The following TWSG1 variants were observed in gnomAD, a reference collection of about 807,000 sequenced individuals.
TWSG1 encodes the protein twisted gastrulation protein homolog 1.
TWSG1 carries 15 observed loss-of-function variants against 23.0 expected under a neutral mutation model. The observed-to-expected ratio is 0.65, with a 90% CI of 0.44 to 1.00. The LOEUF is 1.00. TWSG1 is among the 50% of genes least tolerant of loss of function. TWSG1 has a pLI of 0.00. For synonymous variants in TWSG1, 86 were observed against 92.8 expected (o/e 0.93, Z 0.42); for missense variants, 242 against 278.7 (o/e 0.87, Z 0.94).
chr18:9,396,911 T>G, intron 4 of TWSG1: 1 of 235,274 alleles, frequency 4.3e-6, no homozygotes, highest in East Asian at 8.7e-5. Context: ...ATACAAAAAT[T>G]AGCCGGGTGT....
intron 2 of TWSG1, among the ~76,000 whole-genome samples, chr18:9,345,444 A>G (rs1362893818): frequency 6.6e-6 from 1 of 152,152 alleles, no homozygotes; most frequent in Non-Finnish European, 1.5e-5. Context: ...TTAGCCCAGG[A>G]GTTCAAGCCT....
chr18:9,354,571 T>A (rs2040516288), intron 2 of TWSG1, among the ~76,000 whole-genome samples: 1 of 152,154 alleles, frequency 6.6e-6, no homozygotes, highest in South Asian at 2.1e-4. Flanking sequence ...TAGAAACTGA[T>A]GAAGTTTATG....
intron 2 of TWSG1, among the ~76,000 whole-genome samples, chr18:9,358,243 G>A (rs1318949487): frequency 1.3e-5 from 2 of 152,004 alleles, no homozygotes; most frequent in African/African-American, 4.8e-5. Flanking sequence ...GTAGGAATGG[G>A]GGGGCCACAG....
intron 2 of TWSG1, among the ~76,000 whole-genome samples, chr18:9,343,505 A>G (rs977601703): frequency 5.3e-5 from 8 of 152,074 alleles, no homozygotes; most frequent in Non-Finnish European, 1.2e-4. Flanking sequence ...AGACTTGTGC[A>G]ACCATCACCA....
intron 2 of TWSG1, among the ~76,000 whole-genome samples, chr18:9,351,019 T>C (rs899375445): frequency 1.3e-5 from 2 of 152,156 alleles, no homozygotes; most frequent in African/African-American, 4.8e-5. Flanking sequence ...TGATTACTTA[T>C]GCTTACACAA....
chr18:9,396,217 G>T (rs2040734830), intron 3 of TWSG1, 63 bp from the exon 4 acceptor site: 93 of 965,696 alleles, frequency 9.6e-5, no homozygotes, highest in Non-Finnish European at 1.2e-4. Flanking sequence ...TAATTTTAAT[G>T]TGTTATAGCT....
In TWSG1 at chr18:9,399,594, G is replaced by A. The variant is rs1231916790; in HGVS notation, c.*67G>A. On this transcript the variant is annotated 3_prime_UTR_variant, in exon 5 of 5. Transcript: ENST00000262120. The stretch of plus-strand genomic sequence containing the variant: ...GTATAAAAAGTTATTCTGTAAGTCT[G>A]TTGGTTGTATCTTGTATCAGAATCC... 4 of 1,380,612 alleles carry A rather than the reference G, an allele frequency of 2.9e-6. No homozygotes were observed. Among genetic ancestry groups the A allele is most frequent in the South Asian group, 1.5e-5 (1 of 67,504 alleles). The allele number at this position is 1,380,612 out of a possible 1,614,324, so 85.5% of individuals were successfully genotyped here.
chr18:9,396,550 A>C lies in TWSG1; in HGVS notation c.490+4A>C, dbSNP rs1397980144. On this transcript the variant is annotated splice_donor_region_variant and intron_variant, in intron 4 of 4. Coordinates refer to ENST00000262120, the MANE Select transcript of TWSG1 (RefSeq NM_020648.6). ...GCGCCTTATTCCAGTGACAAAGGTA[A>C]CTGCCAACAGTTGACTTTTTCCATT... The C allele has an allele frequency of 6.2e-7, 1 of 1,609,010 alleles. No individual in the cohort carries two copies. Among genetic ancestry groups the C allele is most frequent in the East Asian group, 2.2e-5 (1 of 44,868 alleles).
intron 3 of TWSG1, among the ~76,000 whole-genome samples, chr18:9,391,405 A>T (rs1001614051): frequency 2.6e-5 from 4 of 152,220 alleles, no homozygotes; most frequent in African/African-American, 9.6e-5. Context: ...ATGAATCATG[A>T]ATGCTCCTAA....
intron 3 of TWSG1, among the ~76,000 whole-genome samples, chr18:9,371,372 C>T (rs1384880667): frequency 2.0e-5 from 3 of 151,104 alleles, no homozygotes; most frequent in Non-Finnish European, 4.4e-5. Context: ...TCTTGGCTCA[C>T]TGCAACCTCT....
At chr18:9,340,240 C>T (rs183428520) in intron 2 of TWSG1, among the ~76,000 whole-genome samples, 20 of 151,098 alleles carry the variant, frequency 1.3e-4, no homozygotes, top group African/African-American at 3.4e-4. Context: ...TGGTGATGGG[C>T]GCCTGTAGTC....
At chr18:9,336,542 T>A (rs1288460681) in intron 1 of TWSG1, among the ~76,000 whole-genome samples, 1 of 152,240 alleles carries the variant, frequency 6.6e-6, no homozygotes, top group Non-Finnish European at 1.5e-5. Flanking sequence ...TGCTTTATTC[T>A]GTCTAAATAA....
intron 2 of TWSG1, among the ~76,000 whole-genome samples, chr18:9,358,168 A>G (rs2040535674): frequency 6.6e-6 from 1 of 152,118 alleles, no homozygotes; most frequent in African/African-American, 2.4e-5. Context: ...AGGAATCAGA[A>G]TGGCGTCTTC....
chr18:9,388,842 A>T (rs1176583099), intron 3 of TWSG1, among the ~76,000 whole-genome samples: 2 of 152,176 alleles, frequency 1.3e-5, no homozygotes, highest in Non-Finnish European at 2.9e-5. Flanking sequence ...GATGTGTGTC[A>T]CCATGCCTGG....
intron 2 of TWSG1, among the ~76,000 whole-genome samples, chr18:9,353,126 C>T (rs925157507): frequency 3.9e-5 from 6 of 152,076 alleles, no homozygotes; most frequent in Non-Finnish European, 8.8e-5. Flanking sequence ...GAACAATAGG[C>T]CATACCATAT....
At chr18:9,354,769 C>A (rs2040517187) in intron 2 of TWSG1, among the ~76,000 whole-genome samples, 1 of 152,096 alleles carries the variant, frequency 6.6e-6, no homozygotes, top group Non-Finnish European at 1.5e-5. Context: ...GTTAGACATG[C>A]ATAGGAATTT....
chr18:9,365,583 A>G (rs917437753), intron 3 of TWSG1, among the ~76,000 whole-genome samples: 7 of 152,278 alleles, frequency 4.6e-5, no homozygotes, highest in Admixed American at 4.6e-4. Flanking sequence ...GGGCTGTGGC[A>G]GGAGAATCGC....
chr18:9,342,128 G>A (rs1407920145), intron 2 of TWSG1, among the ~76,000 whole-genome samples: 2 of 152,166 alleles, frequency 1.3e-5, no homozygotes, highest in Non-Finnish European at 2.9e-5. Flanking sequence ...TACATTCTGA[G>A]AGGCTGCATA....
intron 3 of TWSG1, among the ~76,000 whole-genome samples, chr18:9,377,361 G>A (rs1262703744): frequency 6.6e-6 from 1 of 152,030 alleles, no homozygotes; most frequent in Non-Finnish European, 1.5e-5. Context: ...TGGGATTACA[G>A]GCATGAGCCA....
Sources: allele counts gnomAD v4.1 joint callset (sites outside exome capture counted in the v4.1 genomes callset), GRCh38; gene constraint gnomAD v4.1.1; transcripts MANE v1.5; gene names NCBI Gene and HGNC (gene_info 2026-07-23, HGNC 2026-07-21).